The following GTPBP1 variants were observed in gnomAD, a reference collection of about 807,000 sequenced individuals.
GTPBP1 encodes the protein GTP-binding protein 1.
In GTPBP1, 23 loss-of-function variants were observed where a neutral mutation model predicts 62.0. That is an observed-to-expected ratio of 0.37 (90% CI 0.27 to 0.53). GTPBP1 has a LOEUF of 0.53. Ranked by LOEUF, GTPBP1 falls within the 20% of genes least tolerant of loss-of-function variation. The probability of loss-of-function intolerance (pLI) is 0.89; values close to 1 mark genes in which losing one functional copy is unlikely to be tolerated. For missense variants in GTPBP1, 640 were observed against 917.3 expected (o/e 0.70, Z 3.90); for synonymous variants, 344 against 364.4 (o/e 0.94, Z 0.64).
chr22:38,706,159 C>G lies in GTPBP1; in HGVS notation c.192+12C>G. Reference sequence around the variant, plus strand: ...ACCTCACCAGCAAGGTAGGCCCGGGCGGCGGCGGCGGGCGCTGAGGGGAGC... The same window carrying G: ...ACCTCACCAGCAAGGTAGGCCCGGGGGGCGGCGGCGGGCGCTGAGGGGAGC... On this transcript the variant is annotated intron_variant, in intron 1 of 11. Transcript: ENST00000216044. 5 of 1,196,074 alleles carry G rather than the reference C, an allele frequency of 4.2e-6. No individual in the cohort carries two copies. Among genetic ancestry groups the G allele is most frequent in the Non-Finnish European group, 5.2e-6 (5 of 955,786 alleles). 74.1% of individuals were successfully genotyped at this position (1,196,074 alleles called of 1,614,324 possible).
At chr22:38,742,422 C>T, downstream of GTPBP1, 1 of 1,613,430 alleles carries the variant, frequency 6.2e-7, no homozygotes, top group Non-Finnish European at 8.5e-7. Context: ...ACCTCCCTGG[C>T]CAGGAGCCCC....
At chr22:38,718,761 T>C (rs1053311336) in intron 4 of GTPBP1, among the ~76,000 whole-genome samples, 6 of 152,190 alleles carry the variant, frequency 3.9e-5, no homozygotes, top group African/African-American at 1.4e-4. Context: ...GGTACAAAAT[T>C]GTGAAAAGTT....
Position 38,730,525 on chromosome 22 carries a change from C to T in GTPBP1, c.1918-87C>T, listed in dbSNP as rs2092751826. On this transcript the variant is annotated intron_variant, in intron 11 of 11. Coordinates refer to ENST00000216044, the MANE Select transcript of GTPBP1 (RefSeq NM_004286.5). The surrounding 1 kb of genome is among the most constrained non-coding windows in gnomAD (Gnocchi z 5.6). ...CGCAGCCTGCTCACGCATCTTCCGT[C>T]CCTGTCTCCCCGCTGCTCAGCACCT... The T allele has an allele frequency of 4.4e-6, 4 of 913,430 alleles. No individual in the cohort carries two copies. The South Asian group carries it at 5.4e-5, about 12-fold the overall frequency. 56.6% of individuals were successfully genotyped at this position (913,430 alleles called of 1,614,324 possible).
At chr22:38,706,732 C>T (rs1277917425) in intron 1 of GTPBP1, 1 of 152,220 alleles carries the variant, frequency 6.6e-6, no homozygotes, top group African/African-American at 2.4e-5. Context: ...TTTTCGAGGC[C>T]ACCCGAAACA....
chr22:38,709,001 C>T, intron 2 of GTPBP1, 45 bp downstream of exon 2: 1 of 1,226,416 alleles, frequency 8.2e-7, no homozygotes, highest in Non-Finnish European at 1.2e-6. Flanking sequence ...AATTATTGGG[C>T]CGGGTGCGGT....
chr22:38,727,941 C>G lies in GTPBP1; in HGVS notation c.1538-42C>G. ...CTGCCTCCCGTTGTCCTGAAGCCAC[C>G]AGGTGGCTCCAGCCTATCCTGACCT... On this transcript the variant is annotated intron_variant, in intron 9 of 11. Transcript: ENST00000216044. This position sits in a 1 kb window ranked among gnomAD's most constrained non-coding sequence, Gnocchi z 6.5. The G allele has an allele frequency of 6.7e-7, 1 of 1,503,392 alleles. No homozygotes were observed. Among genetic ancestry groups the G allele is most frequent in the Non-Finnish European group, 9.3e-7 (1 of 1,080,666 alleles). The allele number at this position is 1,503,392 out of a possible 1,614,324, so 93.1% of individuals were successfully genotyped here.
chr22:38,716,160 C>A lies in GTPBP1; in HGVS notation c.485+73C>A. 1.6e-6 allele frequency: 2 copies of A among 1,213,984 alleles called. No homozygotes were observed. Among genetic ancestry groups the A allele is most frequent in the Non-Finnish European group, 2.4e-6 (2 of 844,094 alleles). 75.2% of individuals were successfully genotyped at this position (1,213,984 alleles called of 1,614,324 possible). Reference sequence around the variant, plus strand: ...TGGTGACTGAGCCTGTGGCACTTGGCGTGTCAGCTCCATCCTTTCCCCTCC... The same window carrying A: ...TGGTGACTGAGCCTGTGGCACTTGGAGTGTCAGCTCCATCCTTTCCCCTCC... On this transcript the variant is annotated intron_variant, in intron 3 of 11. Coordinates refer to ENST00000216044, the MANE Select transcript of GTPBP1 (RefSeq NM_004286.5). This position sits in a 1 kb window ranked among gnomAD's most constrained non-coding sequence, Gnocchi z 5.2.
At chr22:38,736,568 G>T, downstream of GTPBP1, 1 of 478,352 alleles carries the variant, frequency 2.1e-6, no homozygotes, top group Non-Finnish European at 3.7e-6. Flanking sequence ...CCAGCCAGTG[G>T]GTTAAGGGGC....
Position 38,716,179 on chromosome 22 carries a change from C to T in GTPBP1, c.485+92C>T, listed in dbSNP as rs2092669375. 2.9e-6 allele frequency: 3 copies of T among 1,051,114 alleles called. No individual in the cohort carries two copies. Among genetic ancestry groups the T allele is most frequent in the Non-Finnish European group, 4.3e-6 (3 of 701,388 alleles). The allele number at this position is 1,051,114 out of a possible 1,614,324, so 65.1% of individuals were successfully genotyped here. ...ACTTGGCGTGTCAGCTCCATCCTTT[C>T]CCCTCCTGAGGCGGGGAAAGAGTGT... On this transcript the variant is annotated intron_variant, in intron 3 of 11. Coordinates refer to ENST00000216044, the MANE Select transcript of GTPBP1 (RefSeq NM_004286.5). This position sits in a 1 kb window ranked among gnomAD's most constrained non-coding sequence, Gnocchi z 5.2.
At chr22:38,742,565 CAGAG>C (rs747049348), downstream of GTPBP1, 7 of 1,602,032 alleles carry the variant, frequency 4.4e-6, no homozygotes, top group Non-Finnish European at 5.1e-6. Context: ...CCTGGAAGGG[CAGAG>C]AGAGAGCCAC....
chr22:38,721,620 A>G, intron 4 of GTPBP1, 122 bp from the exon 5 acceptor site: 3 of 770,984 alleles, frequency 3.9e-6, no homozygotes, highest in Admixed American at 2.2e-5. Context: ...TCATCGAGTC[A>G]GGGGTTAACG....
downstream of GTPBP1, chr22:38,735,815 A>G: frequency 6.1e-6 from 1 of 163,670 alleles, no homozygotes; most frequent in Non-Finnish European, 1.3e-5. Context: ...CCTGCTCTGG[A>G]GCTAAGCACC....
chr22:38,730,595 CCTT>C lies in GTPBP1; in HGVS notation c.1918-14_1918-12del, dbSNP rs780304429. On this transcript the variant is annotated splice_polypyrimidine_tract_variant and intron_variant, in intron 11 of 11. Transcript: ENST00000216044. The surrounding 1 kb of genome is among the most constrained non-coding windows in gnomAD (Gnocchi z 5.6). ...CTGATGGGCCAGTGCTTCTCAAGCT[CCTT>C]CTCTCTCTTTCAGCCTAAGCCCAGC... The C allele has an allele frequency of 8.3e-6, 13 of 1,561,950 alleles. No homozygotes were observed. In the Admixed American group the frequency reaches 1.8e-4, roughly 22 times the overall value.
downstream of GTPBP1, chr22:38,738,365 G>A: frequency 8.4e-7 from 1 of 1,186,186 alleles, no homozygotes; most frequent in Non-Finnish European, 1.2e-6. The surrounding 1 kb of genome is among the most constrained non-coding windows in gnomAD (Gnocchi z 6.6). Context: ...TCAGGCACCA[G>A]AGTGGCCTAT....
chr22:38,738,940 G>A (rs752150588), downstream of GTPBP1: 18 of 1,613,536 alleles, frequency 1.1e-5, no homozygotes, highest in African/African-American at 9.3e-5. The surrounding 1 kb of genome is among the most constrained non-coding windows in gnomAD (Gnocchi z 6.6). Context: ...GAGGAGGGCC[G>A]TCTTGGTCTC....
chr22:38,708,376 GAC>G (rs2092618574), intron 1 of GTPBP1, among the ~76,000 whole-genome samples: 1 of 152,188 alleles, frequency 6.6e-6, no homozygotes, highest in Middle Eastern at 3.2e-3. Context: ...ATATAGCTAA[GAC>G]AAGATAGAAC....
In GTPBP1 at chr22:38,726,620, C is replaced by A. The variant is rs985994883; in HGVS notation, c.1401+180C>A. 2.6e-5 allele frequency among the ~76,000 whole-genome samples: 4 copies of A among 152,172 alleles called. No homozygotes were observed. Among genetic ancestry groups the A allele is most frequent in the Non-Finnish European group, 5.9e-5 (4 of 68,036 alleles). On this transcript the variant is annotated intron_variant, in intron 8 of 11. Coordinates refer to ENST00000216044, the MANE Select transcript of GTPBP1 (RefSeq NM_004286.5). The surrounding 1 kb of genome is among the most constrained non-coding windows in gnomAD (Gnocchi z 4.1). ...CCAGGGACTTGCCCAAGACACACAG[C>A]TTGTAAGTGCTAGAGCGAGGAATGC...
downstream of GTPBP1, chr22:38,738,350 G>T: frequency 7.9e-7 from 1 of 1,263,012 alleles, no homozygotes; most frequent in Non-Finnish European, 1.1e-6. The surrounding 1 kb of genome is among the most constrained non-coding windows in gnomAD (Gnocchi z 6.6). Context: ...CTCCCACCCA[G>T]CAGGTCAGGC....
rs397836314 is a variant in GTPBP1 at position 38,731,010 on chromosome 22, TTG to T, written c.*345_*346del. 8,166 of 183,524 alleles carry T rather than the reference TTG, an allele frequency of 0.044. 184 individuals are homozygous for T. Among genetic ancestry groups the T allele is most frequent in the South Asian group, 0.062 (731 of 11,702 alleles). The allele number at this position is 183,524 out of a possible 1,614,324, so 11.4% of individuals were successfully genotyped here. A position where few individuals can be genotyped will look rare whatever the true frequency, so the allele number is the denominator to read the frequency against. ...TATTATATGTCTCTGTCTCTCTCTA[TTG>T]TGTGTGTGTGTGTGTGTGTGTGTGT... On this transcript the variant is annotated 3_prime_UTR_variant, in exon 12 of 12. Transcript: ENST00000216044.
Sources: gnomAD v4.1 joint callset for allele counts (sites outside exome capture counted in the v4.1 genomes callset) on GRCh38, gnomAD v4.1.1 for gene constraint, Gnocchi (gnomAD v3.1) non-coding constraint, MANE v1.5 for transcripts, NCBI Gene and HGNC (gene_info 2026-07-23, HGNC 2026-07-21) for gene names.